The following ORC4 variants were observed in gnomAD, a reference collection of about 807,000 sequenced individuals.
ORC4 encodes origin recognition complex, subunit 4 homolog.
Under a neutral mutation model 63.9 loss-of-function variants are expected in ORC4, and 55 were observed. The observed-to-expected ratio is 0.86, with a 90% CI of 0.69 to 1.08. The LOEUF is 1.08. ORC4 is among the 50% of genes least tolerant of loss of function. The pLI is 0.00. For missense variants in ORC4, 511 were observed against 504.4 expected (o/e 1.01, Z -0.13); for synonymous variants, 150 against 168.5 (o/e 0.89, Z 0.85).
chr2:148,020,721 G>A lies in ORC4; in HGVS notation c.-106C>T, dbSNP rs1310081286. The A allele has an allele frequency of 4.6e-5, 7 of 152,376 alleles. No homozygotes were observed. Among genetic ancestry groups the A allele is most frequent in the Admixed American group, 4.6e-4 (7 of 15,262 alleles). 9.4% of individuals were successfully genotyped at this position (152,376 alleles called of 1,614,324 possible). On this transcript the variant is annotated 5_prime_UTR_variant, in exon 1 of 14. Transcript: ENST00000392857. ...CTGCTAGACTTCACCTGCCGCTGCG[G>A]ACCGTACACAACCACTCCCGGCATG...
chr2:147,942,924 G>A (rs778609301), intron 10 of ORC4, among the ~76,000 whole-genome samples: 3 of 151,918 alleles, frequency 2.0e-5, no homozygotes, highest in Non-Finnish European at 4.4e-5. Context: ...ATATTAATGT[G>A]TATATATATA....
Position 147,960,450 on chromosome 2 carries a change from C to T in ORC4, c.226-1584G>A, listed in dbSNP as rs1043754194. The T allele has an allele frequency of 3.9e-5, 25 of 638,762 alleles. No homozygotes were observed. In the African/African-American group the frequency reaches 4.9e-4, roughly 13 times the overall value. 39.6% of individuals were successfully genotyped at this position (638,762 alleles called of 1,614,324 possible). A position where few individuals can be genotyped will look rare whatever the true frequency, so the allele number is the denominator to read the frequency against. On this transcript the variant is annotated intron_variant, in intron 4 of 13. Coordinates refer to ENST00000392857, the MANE Select transcript of ORC4 (RefSeq NM_181741.4). Reference sequence around the variant, plus strand: ...GTTATCATTTCAAATATTTAAACTACATTATACACTAAAAATATTTAGTTG... The same window carrying T: ...GTTATCATTTCAAATATTTAAACTATATTATACACTAAAAATATTTAGTTG...
chr2:147,954,677 C>A (rs747844665), intron 7 of ORC4, among the ~76,000 whole-genome samples: 33 of 152,026 alleles, frequency 2.2e-4, no homozygotes, highest in Non-Finnish European at 3.5e-4. Flanking sequence ...AGCATCACCA[C>A]TATCAGAATT....
At chr2:148,001,656 T>C (rs1371130179) in intron 1 of ORC4, among the ~76,000 whole-genome samples, 1 of 152,092 alleles carries the variant, frequency 6.6e-6, no homozygotes, top group Non-Finnish European at 1.5e-5. Flanking sequence ...TGGAAAAACA[T>C]ACCAAATTGT....
At chr2:148,020,481 G>A (rs981083882) in intron 1 of ORC4, 152 bp downstream of exon 1, 4 of 152,274 alleles carry the variant, frequency 2.6e-5, no homozygotes, top group African/African-American at 9.7e-5. Context: ...TGGCCTTCCC[G>A]GCCTATACAA....
At chr2:147,974,452 G>A (rs2105353503) in intron 2 of ORC4, among the ~76,000 whole-genome samples, 1 of 151,994 alleles carries the variant, frequency 6.6e-6, no homozygotes, top group East Asian at 1.9e-4. Flanking sequence ...TGGCCAACAT[G>A]GTTGAAATCC....
chr2:147,985,537 A>G (rs1204960736), intron 1 of ORC4, among the ~76,000 whole-genome samples: 3 of 152,218 alleles, frequency 2.0e-5, no homozygotes, highest in Non-Finnish European at 4.4e-5. Flanking sequence ...ATTAGAAAAT[A>G]GCTGACACTA....
At chr2:147,983,561 T>A (rs1163899282) in intron 1 of ORC4, among the ~76,000 whole-genome samples, 1 of 152,126 alleles carries the variant, frequency 6.6e-6, no homozygotes, top group Non-Finnish European at 1.5e-5. Context: ...TAAGGTTCAT[T>A]ACACACAGAA....
chr2:147,986,241 TAAAAC>T (rs1691195654), intron 1 of ORC4, among the ~76,000 whole-genome samples: 1 of 152,090 alleles, frequency 6.6e-6, no homozygotes, highest in African/African-American at 2.4e-5. Flanking sequence ...TCTCCTCTAA[TAAAAC>T]AAAACAAAAA....
At chr2:147,960,623 C>T (rs1005391990) in intron 4 of ORC4, among the ~76,000 whole-genome samples, 4 of 151,626 alleles carry the variant, frequency 2.6e-5, no homozygotes, top group Non-Finnish European at 5.9e-5. Flanking sequence ...CCAACTTATA[C>T]TATTCCCAAA....
At chr2:147,971,374 C>G (rs948933845) in intron 4 of ORC4, among the ~76,000 whole-genome samples, 21 of 151,204 alleles carry the variant, frequency 1.4e-4, no homozygotes, top group African/African-American at 5.1e-4. Context: ...AAAATACTTG[C>G]AAAACAAAAC....
chr2:147,969,416 G>A (rs1032112267), intron 4 of ORC4, among the ~76,000 whole-genome samples: 16 of 152,088 alleles, frequency 1.1e-4, no homozygotes, highest in African/African-American at 3.9e-4. Context: ...TAATTATTAT[G>A]AGTCAATTTA....
At chr2:147,993,692 G>A (rs937151609) in intron 1 of ORC4, among the ~76,000 whole-genome samples, 1 of 152,070 alleles carries the variant, frequency 6.6e-6, no homozygotes, top group Non-Finnish European at 1.5e-5. Flanking sequence ...CTTTTTGGGT[G>A]GGAAAAGGAG....
At position 147,930,995 on chromosome 2, in the gene ORC4, A is replaced by AT. The variant is rs1258502048; in HGVS notation, c.*4514dup. 1 of 147,536 alleles carries AT rather than the reference A, an allele frequency of 6.8e-6. No homozygotes were observed. The highest frequency in any genetic ancestry group is 1.5e-5 in the Non-Finnish European group (1 of 66,454). 9.1% of individuals were successfully genotyped at this position (147,536 alleles called of 1,614,324 possible). ...AGCATTAGGTATATCTCCTAATGCT[A>AT]TCCCTCCCCCATCCCCCCACCCCAC... On this transcript the variant is annotated 3_prime_UTR_variant, in exon 14 of 14. Coordinates refer to ENST00000392857, the MANE Select transcript of ORC4 (RefSeq NM_181741.4).
intron 1 of ORC4, among the ~76,000 whole-genome samples, chr2:147,994,552 G>C (rs1691815318): frequency 1.3e-5 from 2 of 152,188 alleles, no homozygotes; most frequent in South Asian, 4.1e-4. Flanking sequence ...TAGTCAGCTG[G>C]TCTTTTACGA....
intron 1 of ORC4, among the ~76,000 whole-genome samples, chr2:147,985,749 A>G (rs1300533982): frequency 2.6e-5 from 4 of 152,176 alleles, no homozygotes; most frequent in Non-Finnish European, 1.5e-5. Flanking sequence ...TCCTGGTGAC[A>G]GTCCTTCATG....
At chr2:147,947,922 T>C in intron 9 of ORC4, 129 bp downstream of exon 9, 1 of 718,670 alleles carries the variant, frequency 1.4e-6, no homozygotes, top group Admixed American at 2.4e-5. Flanking sequence ...ATATAATTTG[T>C]ATTACTGCAG....
chr2:147,950,921 A>G (rs1688924096), intron 8 of ORC4, among the ~76,000 whole-genome samples: 1 of 151,612 alleles, frequency 6.6e-6, no homozygotes, highest in Non-Finnish European at 1.5e-5. Flanking sequence ...CACTCACCAC[A>G]GCCACTTCCA....
chr2:147,941,480 C>T (rs1166000406), intron 10 of ORC4, among the ~76,000 whole-genome samples: 1 of 151,718 alleles, frequency 6.6e-6, no homozygotes, highest in Admixed American at 6.6e-5. Context: ...CTTTAACACC[C>T]ACTAGATTGG....
Sources: gnomAD v4.1 joint callset for allele counts (sites outside exome capture counted in the v4.1 genomes callset) on GRCh38, gnomAD v4.1.1 for gene constraint, MANE v1.5 for transcripts, NCBI Gene and HGNC (gene_info 2026-07-23, HGNC 2026-07-21) for gene names.